Variants in IL1RAPL1 observed in about 807,000 individuals in gnomAD.
IL1RAPL1 encodes interleukin 1 receptor accessory protein like 1.
IL1RAPL1 carries 3 observed loss-of-function variants against 48.4 expected under a neutral mutation model. That is an observed-to-expected ratio of 0.06 (90% confidence interval 0.03 to 0.16). The LOEUF (loss-of-function observed/expected upper bound fraction) is 0.16, where lower values mean the gene tolerates loss of function less well. Among genes scored for constraint, IL1RAPL1 ranks in the 10% least tolerant of loss-of-function variants. The probability of loss-of-function intolerance (pLI) is 1.00; values close to 1 mark genes in which losing one functional copy is unlikely to be tolerated. For missense variants in IL1RAPL1, 349 were observed against 530.6 expected (o/e 0.66, Z 3.36); for synonymous variants, 185 against 187.7 (o/e 0.99, Z 0.12).
Position 29,803,313 on chromosome X carries a change from GTA to G in IL1RAPL1, c.779-114145_779-114144del, listed in dbSNP as rs1193050331. ...TATATATGTATACATATACACACATGTATATATGTATACATGTATACACATAT... is the reference window on the plus strand; with the variant it reads ...TATATATGTATACATATACACACATGTATATGTATACATGTATACACATAT... On this transcript the variant is annotated intron_variant, in intron 6 of 10. Coordinates refer to ENST00000378993, the MANE Select transcript of IL1RAPL1 (RefSeq NM_014271.4). Among the ~76,000 whole-genome samples the G allele has an allele frequency of 4.2e-5, 2 of 47,200 alleles. 1 individual carries two copies. The highest frequency in any genetic ancestry group is 7.4e-5 in the Non-Finnish European group (2 of 26,965). 41.0% of individuals were successfully genotyped at this position (47,200 alleles called of 115,157 possible). A position where few individuals can be genotyped will look rare whatever the true frequency, so the allele number is the denominator to read the frequency against.
chrX:29,476,248 T>C (rs1223343099), intron 5 of IL1RAPL1, among the ~76,000 whole-genome samples: 3 of 111,818 alleles, frequency 2.7e-5, no homozygotes, highest in Non-Finnish European at 5.6e-5. Context: ...GATGGCCATG[T>C]GGTTGGAAAT....
At chrX:29,665,107 A>G (rs1010817061) in intron 5 of IL1RAPL1, among the ~76,000 whole-genome samples, 2 of 112,706 alleles carry the variant, frequency 1.8e-5, no homozygotes, top group Non-Finnish European at 3.7e-5. Flanking sequence ...AATCTCTACT[A>G]TAATTGCTGT....
chrX:29,904,081 T>A (rs931618665), intron 6 of IL1RAPL1, among the ~76,000 whole-genome samples: 1 of 112,381 alleles, frequency 8.9e-6, no homozygotes, highest in Non-Finnish European at 1.9e-5. Flanking sequence ...CGAATTCTAA[T>A]GCTAATTTCC....
intron 5 of IL1RAPL1, among the ~76,000 whole-genome samples, chrX:29,622,315 A>G (rs958261045): frequency 1.8e-5 from 2 of 112,133 alleles, no homozygotes; most frequent in Non-Finnish European, 3.8e-5. Context: ...CTGACAATTC[A>G]TTGTTTTGTC....
At chrX:29,113,084 T>C (rs973451877) in intron 2 of IL1RAPL1, among the ~76,000 whole-genome samples, 1 of 111,755 alleles carries the variant, frequency 8.9e-6, no homozygotes, top group African/African-American at 3.3e-5. Context: ...GTGCTGGGAT[T>C]ACAGGCGTGA....
At chrX:28,710,551 A>G (rs1056828318) in intron 1 of IL1RAPL1, among the ~76,000 whole-genome samples, 7 of 110,295 alleles carry the variant, frequency 6.3e-5, no homozygotes, top group African/African-American at 2.3e-4. Context: ...GGGAGAAGTG[A>G]GGGGAAGAGT....
intron 5 of IL1RAPL1, among the ~76,000 whole-genome samples, chrX:29,547,513 TG>T (rs1342294110): frequency 8.9e-6 from 1 of 111,807 alleles, no homozygotes; most frequent in African/African-American, 3.2e-5. Flanking sequence ...GGAAAAATGC[TG>T]GAAAAGCTTA....
At chrX:29,470,723 T>A (rs766557812) in intron 5 of IL1RAPL1, among the ~76,000 whole-genome samples, 1 of 111,220 alleles carries the variant, frequency 9.0e-6, no homozygotes, top group South Asian at 3.9e-4. Flanking sequence ...AGCCTCAAAC[T>A]CCTGGGCCCA....
At chrX:29,322,763 G>A (rs1312522297) in intron 3 of IL1RAPL1, among the ~76,000 whole-genome samples, 1 of 110,799 alleles carries the variant, frequency 9.0e-6, no homozygotes, top group Non-Finnish European at 1.9e-5. Context: ...AAAGACTCAG[G>A]TTTTACATCT....
chrX:28,880,230 G>T (rs1460242844), intron 2 of IL1RAPL1, among the ~76,000 whole-genome samples: 1 of 112,573 alleles, frequency 8.9e-6, no homozygotes, highest in Non-Finnish European at 1.9e-5. Flanking sequence ...TTGTTTTAAA[G>T]GAGAGTAATC....
At chrX:29,381,613 A>AAGAAC (rs768465337) in intron 3 of IL1RAPL1, among the ~76,000 whole-genome samples, 9 of 103,014 alleles carry the variant, frequency 8.7e-5, no homozygotes, top group Non-Finnish European at 1.8e-4. Flanking sequence ...CCAGGAGTTC[A>AAGAAC]AGAACAGTCT....
intron 1 of IL1RAPL1, among the ~76,000 whole-genome samples, chrX:28,651,843 G>A (rs1247344007): frequency 9.0e-6 from 1 of 111,574 alleles, no homozygotes; most frequent in Non-Finnish European, 1.9e-5. Flanking sequence ...GCACGACAGA[G>A]TTATAGGGTT....
intron 6 of IL1RAPL1, among the ~76,000 whole-genome samples, chrX:29,693,283 A>G (rs1467214790): frequency 8.9e-6 from 1 of 112,096 alleles, no homozygotes; most frequent in Admixed American, 9.4e-5. Flanking sequence ...CTTAGCTTCA[A>G]CCGCTGTTGG....
chrX:28,823,225 T>A (rs1416461781), intron 2 of IL1RAPL1, among the ~76,000 whole-genome samples: 2 of 111,825 alleles, frequency 1.8e-5, no homozygotes, highest in African/African-American at 6.5e-5. Flanking sequence ...ATCTCATTTA[T>A]TTATTGAATA....
At chrX:28,888,791 C>A (rs1408580984) in intron 2 of IL1RAPL1, among the ~76,000 whole-genome samples, 1 of 111,355 alleles carries the variant, frequency 9.0e-6, no homozygotes, top group Non-Finnish European at 1.9e-5. Context: ...GTATAACAAT[C>A]TCACTAGAAC....
intron 3 of IL1RAPL1, among the ~76,000 whole-genome samples, chrX:29,335,948 G>C (rs910630945): frequency 9.1e-6 from 1 of 109,456 alleles, no homozygotes; most frequent in South Asian, 3.8e-4. Context: ...ACAGTCGTGC[G>C]TATGTAAATA....
At position 29,194,606 on chromosome X, in the gene IL1RAPL1, C is replaced by T. The variant is rs375345270; in HGVS notation, c.83-88332C>T. On this transcript the variant is annotated intron_variant, in intron 2 of 10. Transcript: ENST00000378993. ...GATGGAAAAACAAATACATGTGTTT[C>T]AGGTAAAAATATTTAAAACGAGATT... Among the ~76,000 whole-genome samples the T allele has an allele frequency of 4.7e-4, 53 of 111,941 alleles. 1 individual carries two copies. The highest frequency in any genetic ancestry group is 3.5e-3 in the Admixed American group (37 of 10,521).
intron 1 of IL1RAPL1, among the ~76,000 whole-genome samples, chrX:28,751,602 C>G (rs774092631): frequency 2.7e-5 from 3 of 111,836 alleles, no homozygotes; most frequent in Non-Finnish European, 5.6e-5. Flanking sequence ...ATTTCTACTT[C>G]AGCAGATACT....
chrX:29,590,043 C>A (rs1923316558), intron 5 of IL1RAPL1, among the ~76,000 whole-genome samples: 1 of 110,990 alleles, frequency 9.0e-6, no homozygotes. Flanking sequence ...ATATAACTTA[C>A]CGGGCATCAA....
Sources: gnomAD v4.1 joint callset for allele counts (sites outside exome capture counted in the v4.1 genomes callset) on GRCh38, gnomAD v4.1.1 for gene constraint, MANE v1.5 for transcripts, NCBI Gene and HGNC (gene_info 2026-07-23, HGNC 2026-07-21) for gene names.